The following TNFRSF18 variants were observed in gnomAD, a reference collection of about 807,000 sequenced individuals.
TNFRSF18 encodes the protein tumor necrosis factor receptor superfamily member 18.
Under a neutral mutation model 30.2 loss-of-function variants are expected in TNFRSF18, and 36 were observed. The ratio of observed to expected loss-of-function variants is 1.19; its 90% CI spans 0.91 to 1.58. The LOEUF is 1.58. Ranked by LOEUF, TNFRSF18 falls within the 40% of genes most tolerant of loss-of-function variation. TNFRSF18 has a pLI of 0.00. For missense variants in TNFRSF18, 369 were observed against 345.4 expected (o/e 1.07, Z -0.54); for synonymous variants, 173 against 158.3 (o/e 1.09, Z -0.70).
Position 1,203,694 on chromosome 1 carries a change from C to A in TNFRSF18, c.*150G>T. Reference sequence around the variant, plus strand: ...AGCCGCGGCCGCCGAACTGCATGGTCCAGGGCGCTGGTCACTGCCACCTTC... The same window carrying A: ...AGCCGCGGCCGCCGAACTGCATGGTACAGGGCGCTGGTCACTGCCACCTTC... On this transcript the variant is annotated 3_prime_UTR_variant, in exon 5 of 5. Transcript: ENST00000379268. 2 of 1,565,772 alleles carry A rather than the reference C, an allele frequency of 1.3e-6. No homozygotes were observed. The highest frequency in any genetic ancestry group is 1.7e-6 in the Non-Finnish European group (2 of 1,162,056).
chr1:1,205,131 A>G (rs931475033), intron 2 of TNFRSF18, among the ~76,000 whole-genome samples: 1 of 151,618 alleles, frequency 6.6e-6, no homozygotes, highest in East Asian at 2.0e-4. Flanking sequence ...ACCTCCCCGC[A>G]GGGTTCTCAC....
In TNFRSF18 at chr1:1,206,391, A is replaced by C; in HGVS notation, c.181T>G (p.Tyr61Asp). The change falls in exon 1 of 5, where the codon TAC becomes GAC. Residue 61 changes from tyrosine to aspartate, a missense_variant. Physicochemically the swap from Tyr to Asp is radical, Grantham distance 160. Coordinates refer to ENST00000379268, the MANE Select transcript of TNFRSF18 (RefSeq NM_004195.3). ...GTAAACGCGGTTTACTTACCCGGGT[A>C]ATCGCGGCAGCAGCGCGTCGTGTGA... is the stretch of plus-strand genomic sequence containing the variant. ...RVHTTRCCRD[Y>D]PGEECCSEWD... is the part of the protein sequence containing the mutation. The C allele has an allele frequency of 6.5e-7, 1 of 1,546,972 alleles. No individual in the cohort carries two copies. The highest frequency in any genetic ancestry group is 8.7e-7 in the Non-Finnish European group (1 of 1,146,106).
At chr1:1,204,354 G>A (rs1178013263) in intron 3 of TNFRSF18, 45 bp downstream of exon 3, 10 of 1,603,080 alleles carry the variant, frequency 6.2e-6, no homozygotes, top group Non-Finnish European at 8.5e-6. Context: ...TCCTCAGAGT[G>A]GGCCTGGACC....
At chr1:1,205,586 G>C (rs547457921) in intron 1 of TNFRSF18, 94 bp from the exon 2 acceptor site, 3 of 1,384,668 alleles carry the variant, frequency 2.2e-6, no homozygotes, top group Non-Finnish European at 3.0e-6. Context: ...GAGGTTGTCC[G>C]TTCTCCACCC....
At chr1:1,205,764 A>G in intron 1 of TNFRSF18, 1 of 473,792 alleles carries the variant, frequency 2.1e-6, no homozygotes, top group Non-Finnish European at 3.8e-6. Context: ...CTGCCCCTGC[A>G]GGACCCAGGG....
At chr1:1,206,017 G>T (rs897079530) in intron 1 of TNFRSF18, among the ~76,000 whole-genome samples, 1 of 152,210 alleles carries the variant, frequency 6.6e-6, no homozygotes, top group Non-Finnish European at 1.5e-5. Flanking sequence ...CAGGCAGCAG[G>T]CCAGACGGTG....
Position 1,203,534 on chromosome 1 carries a change from C to T in TNFRSF18, c.*310G>A, listed in dbSNP as rs554904410. On this transcript the variant is annotated 3_prime_UTR_variant, in exon 5 of 5. Coordinates refer to ENST00000379268, the MANE Select transcript of TNFRSF18 (RefSeq NM_004195.3). ...CACTGGACAAGTGTTTATTGAAGGTCCCCTGCAGCCGGGTCCCGTGCTGGG... is the reference window on the plus strand; with the variant it reads ...CACTGGACAAGTGTTTATTGAAGGTTCCCTGCAGCCGGGTCCCGTGCTGGG... 125 of 1,436,822 alleles carry T rather than the reference C, an allele frequency of 8.7e-5. No homozygotes were observed. In the Admixed American group the frequency reaches 3.2e-3, roughly 36 times the overall value. 89.0% of individuals were successfully genotyped at this position (1,436,822 alleles called of 1,614,324 possible).
chr1:1,205,601 T>C, intron 1 of TNFRSF18, 109 bp from the exon 2 acceptor site: 2 of 1,272,294 alleles, frequency 1.6e-6, no homozygotes, highest in Non-Finnish European at 1.1e-6. Context: ...CCACCCACAG[T>C]TGGCTCCAGG....
rs543547772 is a variant in TNFRSF18, at chr1:1,205,462, A to T, written c.218T>A (p.Met73Lys). The T allele has an allele frequency of 6.2e-7, 1 of 1,612,478 alleles. No homozygotes were observed. The highest frequency in any genetic ancestry group is 8.5e-7 in the Non-Finnish European group (1 of 1,179,774). ...GEECCSEWDCMCVQPEFHCGD... is the reference protein window; with the variant it reads ...GEECCSEWDCKCVQPEFHCGD... ...GCAGTGGAATTCAGGCTGGACACAC[A>T]TGCAGTCCCACTCGGAACAGCACTC... The change falls in exon 2 of 5, where the codon ATG (methionine) becomes AAG (lysine). Residue 73 changes from methionine (M) to lysine (K), a missense_variant. Met to Lys is a moderately conservative substitution (Grantham distance 95, BLOSUM62 -1). Coordinates refer to ENST00000379268, the MANE Select transcript of TNFRSF18 (RefSeq NM_004195.3).
At chr1:1,205,595 C>G (rs1648785149) in intron 1 of TNFRSF18, 103 bp from the exon 2 acceptor site, 1 of 1,303,912 alleles carries the variant, frequency 7.7e-7, no homozygotes. Flanking sequence ...CGTTCTCCAC[C>G]CACAGTTGGC....
At position 1,203,520 on chromosome 1, in the gene TNFRSF18, T is replaced by C; in HGVS notation, c.*324A>G. ...GCATCCACTCAGGTCACTGGACAAG[T>C]GTTTATTGAAGGTCCCCTGCAGCCG... On this transcript the variant is annotated 3_prime_UTR_variant, in exon 5 of 5. Transcript: ENST00000379268. 1 of 1,414,248 alleles carries C rather than the reference T, an allele frequency of 7.1e-7. No individual in the cohort carries two copies. The highest frequency in any genetic ancestry group is 2.6e-4 in the Middle Eastern group (1 of 3,818). The allele number at this position is 1,414,248 out of a possible 1,614,324, so 87.6% of individuals were successfully genotyped here. A position where few individuals can be genotyped will look rare whatever the true frequency, so the allele number is the denominator to read the frequency against.
At chr1:1,206,070 G>A (rs542887652) in intron 1 of TNFRSF18, among the ~76,000 whole-genome samples, 1 of 152,276 alleles carries the variant, frequency 6.6e-6, no homozygotes, top group Non-Finnish European at 1.5e-5. Flanking sequence ...GCTGGGCGAT[G>A]GCCAAGGGCT....
intron 1 of TNFRSF18, 66 bp downstream of exon 1, chr1:1,206,319 C>T (rs756655064): frequency 6.6e-7 from 1 of 1,511,046 alleles, no homozygotes; most frequent in Non-Finnish European, 8.9e-7. Flanking sequence ...AAGGGGGGCG[C>T]CCACCCATCC....
intron 2 of TNFRSF18, among the ~76,000 whole-genome samples, chr1:1,204,705 C>T (rs951631700): frequency 5.3e-5 from 8 of 152,210 alleles, no homozygotes; most frequent in South Asian, 2.1e-4. Flanking sequence ...AGTGAGGGCA[C>T]CTGGGGGAGG....
chr1:1,205,585 C>T (rs927883092), intron 1 of TNFRSF18, 93 bp from the exon 2 acceptor site: 52 of 1,390,104 alleles, frequency 3.7e-5, no homozygotes, highest in Non-Finnish European at 4.2e-5. Flanking sequence ...TGAGGTTGTC[C>T]GTTCTCCACC....
At chr1:1,206,114 C>T (rs900889439) in intron 1 of TNFRSF18, among the ~76,000 whole-genome samples, 1 of 152,212 alleles carries the variant, frequency 6.6e-6, no homozygotes, top group Non-Finnish European at 1.5e-5. Flanking sequence ...GAACAGCCGT[C>T]CTCCACCTCC....
At chr1:1,205,122 C>G (rs1045013992) in intron 2 of TNFRSF18, among the ~76,000 whole-genome samples, 2 of 152,178 alleles carry the variant, frequency 1.3e-5, no homozygotes, top group Non-Finnish European at 2.9e-5. Flanking sequence ...CCCGCCCCCA[C>G]CTCCCCGCAG....
intron 1 of TNFRSF18, chr1:1,205,765 G>C (rs1570456220): frequency 6.4e-6 from 3 of 469,350 alleles, no homozygotes; most frequent in African/African-American, 2.0e-5. Context: ...TGCCCCTGCA[G>C]GACCCAGGGG....
In TNFRSF18 at chr1:1,204,545, G is replaced by A. The variant is rs570352858; in HGVS notation, c.311-59C>T. The A allele has an allele frequency of 2.8e-5, 39 of 1,398,226 alleles. No individual in the cohort carries two copies. The African/African-American group carries it at 5.1e-4, about 18-fold the overall frequency. The allele number at this position is 1,398,226 out of a possible 1,614,324, so 86.6% of individuals were successfully genotyped here. On this transcript the variant is annotated intron_variant, in intron 2 of 4. Transcript: ENST00000379268. ...GGCTGGTGGAGTTGCTGGGATGGAT[G>A]AGGAGGGCGTCAGGCCAGTGCAGGG... is the stretch of plus-strand genomic sequence containing the variant.
Sources: allele counts gnomAD v4.1 joint callset (sites outside exome capture counted in the v4.1 genomes callset), GRCh38; gene constraint gnomAD v4.1.1; transcripts MANE v1.5; gene names NCBI Gene and HGNC (gene_info 2026-07-23, HGNC 2026-07-21).